SPATA7: variants seen among roughly 807,000 people sequenced by gnomAD.
SPATA7 encodes spermatogenesis-associated protein 7.
In SPATA7, 43 loss-of-function variants were observed where a neutral mutation model predicts 51.8. The ratio of observed to expected loss-of-function variants is 0.83; its 90% CI spans 0.65 to 1.07. SPATA7 has a LOEUF of 1.07. SPATA7 is among the 50% of genes least tolerant of loss of function. The pLI is 0.00. For synonymous variants in SPATA7, 230 were observed against 252.8 expected, an observed-to-expected ratio of 0.91 and a Z score of 0.86; for missense variants, 683 against 701.3, an observed-to-expected ratio of 0.97 and a Z score of 0.30.
At chr14:88,428,603 T>C (rs888151688) in intron 7 of SPATA7, 1 of 152,206 alleles carries the variant, frequency 6.6e-6, no homozygotes, top group African/African-American at 2.4e-5. Context: ...GGTAAGGGCT[T>C]AATAAATGAT....
chr14:88,462,264 G>A (rs73329615), intron 4 of SPATA7, among the ~76,000 whole-genome samples: 5,787 of 152,162 alleles, frequency 0.038, 360 homozygotes, highest in African/African-American at 0.13. Flanking sequence ...AAATGAATAC[G>A]TTTATATTCC....
intron 4 of SPATA7, among the ~76,000 whole-genome samples, chr14:88,464,697 T>G (rs1368804581): frequency 6.6e-6 from 1 of 152,082 alleles, no homozygotes; most frequent in Non-Finnish European, 1.5e-5. Flanking sequence ...GCCACTGCAC[T>G]CCAGCCTGGG....
intron 1 of SPATA7, 77 bp downstream of exon 1, chr14:88,385,914 G>C (rs2075558935): frequency 2.6e-6 from 4 of 1,517,146 alleles, no homozygotes; most frequent in Non-Finnish European, 3.5e-6. Context: ...GGTCCGGGCA[G>C]CTGAGTGCAA....
At chr14:88,396,678 T>G (rs530927293) in intron 4 of SPATA7, among the ~76,000 whole-genome samples, 8 of 152,316 alleles carry the variant, frequency 5.3e-5, no homozygotes, top group African/African-American at 1.9e-4. Flanking sequence ...CGTCAGTTGA[T>G]GGACACTTGA....
Position 88,419,645 on chromosome 14 carries a change from G to A in SPATA7, c.372+2801G>A, listed in dbSNP as rs187339516. ...GGGTTCACGCCATTCTCCTGCCTCA[G>A]CCTCCGAGTAGCTGGGACTACAGGC... On this transcript the variant is annotated intron_variant, in intron 5 of 11. Transcript: ENST00000393545. 4.2e-4 allele frequency among the ~76,000 whole-genome samples: 63 copies of A among 151,386 alleles called. 1 individual carries two copies. Among genetic ancestry groups the A allele is most frequent in the African/African-American group, 1.4e-3 (58 of 41,236 alleles).
intron 4 of SPATA7, among the ~76,000 whole-genome samples, chr14:88,404,780 C>G (rs1386018900): frequency 3.9e-5 from 6 of 152,044 alleles, no homozygotes; most frequent in Non-Finnish European, 5.9e-5. Context: ...GCTAGAGTAA[C>G]AAAATAACAT....
At chr14:88,448,018 C>G (rs997943485) in intron 3 of SPATA7, among the ~76,000 whole-genome samples, 2 of 151,514 alleles carry the variant, frequency 1.3e-5, no homozygotes, top group Non-Finnish European at 2.9e-5. Flanking sequence ...TTTCCTGAAT[C>G]TGAACGTTGG....
In SPATA7 at chr14:88,398,952, T is replaced by C. The variant is rs2075978299; in HGVS notation, c.238+2749T>C. Among the ~76,000 whole-genome samples, 4 of 149,794 alleles carry C rather than the reference T, an allele frequency of 2.7e-5. No homozygotes were observed. The Admixed American group carries it at 2.7e-4, about 10-fold the overall frequency. ...CTGTAGTCCCAGCTGCTCGGGAGGC[T>C]GAGGCAGGAGAATGGCGTGAACCCA... is the stretch of plus-strand genomic sequence containing the variant. On this transcript the variant is annotated intron_variant, in intron 4 of 11. Transcript: ENST00000393545.
At chr14:88,416,557 T>G in intron 4 of SPATA7, 154 bp from the exon 5 acceptor site, 2 of 654,426 alleles carry the variant, frequency 3.1e-6, no homozygotes, top group South Asian at 4.4e-5. Context: ...TTTTAAAATG[T>G]GTTAGTAACT....
At chr14:88,447,394 G>T (rs1373764993) in intron 3 of SPATA7, among the ~76,000 whole-genome samples, 2 of 150,692 alleles carry the variant, frequency 1.3e-5, no homozygotes, top group South Asian at 4.2e-4. Context: ...ACGTGAGATG[G>T]GTTTCCTGAA....
rs2076803286 is a variant in SPATA7 at position 88,426,654 on chromosome 14, A to G, written c.795A>G (p.Lys265=). 1 of 1,613,824 alleles carries G rather than the reference A, an allele frequency of 6.2e-7. No individual in the cohort carries two copies. Among genetic ancestry groups the G allele is most frequent in the African/African-American group, 1.3e-5 (1 of 74,916 alleles). The stretch of plus-strand genomic sequence containing the variant: ...GCTATTATACACCTGCCAAAAGAAA[A>G]AAGGATTTTACAGATCAACGGATAG... The part of the protein sequence containing the change: ...QYRYYTPAKR[K]KDFTDQRIEA... The change falls in exon 6 of 12, where the codon AAA becomes AAG. Residue 265 remains lysine, a synonymous_variant. Transcript: ENST00000393545.
chr14:88,437,543 G>A lies in SPATA7; in HGVS notation c.1161G>A (p.Arg387=). The A allele has an allele frequency of 1.2e-6, 2 of 1,608,872 alleles. No homozygotes were observed. Among genetic ancestry groups the A allele is most frequent in the Non-Finnish European group, 1.7e-6 (2 of 1,176,324 alleles). ...EILKLGLFSN[R]FLERLFERHI... ...TAACATTTTTGTTTATCATTTGTAGGTTTTTAGAACGACTGTTCGAGCGAC... is the reference window on the plus strand; with the variant it reads ...TAACATTTTTGTTTATCATTTGTAGATTTTTAGAACGACTGTTCGAGCGAC... Residue 387 remains arginine (R), a splice_region_variant and synonymous_variant, in exon 11 of 12, where the codon AGG becomes AGA. Transcript: ENST00000393545.
At chr14:88,424,569 G>A (rs1326538963) in intron 5 of SPATA7, among the ~76,000 whole-genome samples, 1 of 152,066 alleles carries the variant, frequency 6.6e-6, no homozygotes, top group Non-Finnish European at 1.5e-5. Flanking sequence ...CTCAGTTTGT[G>A]CTGTTCTTCT....
chr14:88,440,083 C>T (rs147870794), downstream of SPATA7, among the ~76,000 whole-genome samples: 4 of 152,116 alleles, frequency 2.6e-5, no homozygotes, highest in African/African-American at 9.7e-5. Flanking sequence ...CCCCAGGGTT[C>T]CTTTCTTCAG....
At chr14:88,451,353 A>T (rs1328151477) in intron 3 of SPATA7, among the ~76,000 whole-genome samples, 2 of 151,974 alleles carry the variant, frequency 1.3e-5, no homozygotes, top group Non-Finnish European at 2.9e-5. Context: ...TATTTTTAGT[A>T]GAGACAGGGT....
chr14:88,426,351 C>G lies in SPATA7; in HGVS notation c.492C>G (p.Ser164=), dbSNP rs1043718661. The G allele has an allele frequency of 6.2e-7, 1 of 1,614,078 alleles. No individual in the cohort carries two copies. Among genetic ancestry groups the G allele is most frequent in the Non-Finnish European group, 8.5e-7 (1 of 1,180,004 alleles). Residue 164 remains serine, a synonymous_variant, in exon 6 of 12, where the codon TCC becomes TCG. Coordinates refer to ENST00000393545, the MANE Select transcript of SPATA7 (RefSeq NM_018418.5). ...SERLHLSLHK[S]SKVITNGPEK... ...GACTACACCTAAGTCTACATAAATCCAGTAAAGTCATCACAAATGGTCCTG... is the reference window on the plus strand; with the variant it reads ...GACTACACCTAAGTCTACATAAATCGAGTAAAGTCATCACAAATGGTCCTG...
At position 88,445,655 on chromosome 14, in the gene SPATA7, G is replaced by A. The variant is rs952879514; in HGVS notation, c.177+7752G>A. ...GATAGCTCTTATTATTTTGAAATAC[G>A]TCCCATCAATACCTAATTTATTGAG... On this transcript the variant is annotated intron_variant, in intron 3 of 3. Transcript: ENST00000554802. Among the ~76,000 whole-genome samples the A allele has an allele frequency of 3.6e-4, 54 of 152,080 alleles. 1 individual carries two copies. Among genetic ancestry groups the A allele is most frequent in the African/African-American group, 8.2e-4 (34 of 41,488 alleles).
In SPATA7 at chr14:88,396,988, TCAGCCTCCCAA is replaced by T. The variant is rs1238795975; in HGVS notation, c.238+797_238+807del. 5.3e-5 allele frequency among the ~76,000 whole-genome samples: 8 copies of T among 150,586 alleles called. No individual in the cohort carries two copies. In the South Asian group the frequency reaches 1.1e-3, roughly 20 times the overall value. On this transcript the variant is annotated intron_variant, in intron 4 of 11. Coordinates refer to ENST00000393545, the MANE Select transcript of SPATA7 (RefSeq NM_018418.5). ...CCTGGGCTCAAGCAATCCTCCCACC[TCAGCCTCCCAA>T]CAGCCTCCCAAGTAGGTGGGACTAC...
intron 10 of SPATA7, among the ~76,000 whole-genome samples, chr14:88,434,481 T>C (rs1395777351): frequency 6.6e-6 from 1 of 152,002 alleles, no homozygotes; most frequent in Non-Finnish European, 1.5e-5. Context: ...GGTCAGGAGT[T>C]CAACACCAGC....
Sources: allele counts gnomAD v4.1 joint callset (sites outside exome capture counted in the v4.1 genomes callset), GRCh38; gene constraint gnomAD v4.1.1; transcripts MANE v1.5; gene names NCBI Gene and HGNC (gene_info 2026-07-23, HGNC 2026-07-21).